The following TMEM45A variants were observed in gnomAD, a reference collection of about 807,000 sequenced individuals.
TMEM45A encodes DNA polymerase-transactivated protein 4.
TMEM45A carries 25 observed loss-of-function variants against 32.0 expected under a neutral mutation model. The ratio of observed to expected loss-of-function variants is 0.78; its 90% CI spans 0.57 to 1.09. The LOEUF (loss-of-function observed/expected upper bound fraction) is 1.09, where lower values mean the gene tolerates loss of function less well. Among genes scored for constraint, TMEM45A ranks in the 50% least tolerant of loss-of-function variants. TMEM45A has a pLI of 0.00. For missense variants in TMEM45A, 302 were observed against 325.0 expected, an observed-to-expected ratio of 0.93 and a Z score of 0.54; for synonymous variants, 122 against 114.8, an observed-to-expected ratio of 1.06 and a Z score of -0.40.
At chr3:100,507,294 C>T (rs1246757402) in intron 1 of TMEM45A, among the ~76,000 whole-genome samples, 1 of 152,200 alleles carries the variant, frequency 6.6e-6, no homozygotes, top group Non-Finnish European at 1.5e-5. Context: ...CCCACTCTGC[C>T]TATACAGAAA....
chr3:100,498,567 A>G (rs9851429), intron 1 of TMEM45A, among the ~76,000 whole-genome samples: 39,274 of 151,846 alleles, frequency 0.26, 5,878 homozygotes, highest in African/African-American at 0.39. Context: ...CAATCTGTCC[A>G]TGTATGTGTG....
chr3:100,511,744 A>G (rs1323721032), intron 1 of TMEM45A, among the ~76,000 whole-genome samples: 2 of 152,010 alleles, frequency 1.3e-5, no homozygotes, highest in African/African-American at 4.8e-5. Context: ...ATGTGCAGAG[A>G]CACACATAGG....
chr3:100,499,143 T>C (rs2148924675), intron 1 of TMEM45A, among the ~76,000 whole-genome samples: 1 of 152,354 alleles, frequency 6.6e-6, no homozygotes, highest in East Asian at 1.9e-4. Context: ...ATTCTTCGGG[T>C]TACCTTTCCA....
intron 1 of TMEM45A, among the ~76,000 whole-genome samples, chr3:100,531,232 C>T (rs1355900476): frequency 1.3e-5 from 2 of 151,894 alleles, no homozygotes; most frequent in Non-Finnish European, 2.9e-5. Flanking sequence ...TCAGCGTTTC[C>T]CAAATTGGGA....
chr3:100,498,151 G>T (rs951274096), intron 1 of TMEM45A, among the ~76,000 whole-genome samples: 2 of 152,200 alleles, frequency 1.3e-5, no homozygotes, highest in African/African-American at 4.8e-5. Flanking sequence ...CTGCCACCAT[G>T]TGAAGAAGGT....
intron 1 of TMEM45A, among the ~76,000 whole-genome samples, chr3:100,530,818 G>T (rs1705632613): frequency 6.6e-6 from 1 of 152,116 alleles, no homozygotes; most frequent in Non-Finnish European, 1.5e-5. Flanking sequence ...CTGTGGATTT[G>T]TTCTTTATCT....
intron 1 of TMEM45A, among the ~76,000 whole-genome samples, chr3:100,549,838 G>A (rs571173725): frequency 9.2e-5 from 14 of 151,820 alleles, no homozygotes; most frequent in East Asian, 1.9e-4. Flanking sequence ...TTGTTCTTGC[G>A]ATAGTTTACT....
intron 1 of TMEM45A, among the ~76,000 whole-genome samples, chr3:100,547,730 A>G (rs1200566202): frequency 2.6e-5 from 4 of 152,068 alleles, no homozygotes. Context: ...TTAATGATAA[A>G]CAGATGTATG....
chr3:100,562,535 A>C (rs981674178), intron 4 of TMEM45A, among the ~76,000 whole-genome samples: 2 of 152,200 alleles, frequency 1.3e-5, no homozygotes, highest in Non-Finnish European at 2.9e-5. Flanking sequence ...GTAAACAGCA[A>C]AAAGTTTGGT....
intron 1 of TMEM45A, among the ~76,000 whole-genome samples, chr3:100,554,227 T>C (rs1379549985): frequency 6.6e-6 from 1 of 152,214 alleles, no homozygotes; most frequent in Non-Finnish European, 1.5e-5. Flanking sequence ...TACTGTTTAT[T>C]AACCAGAAGT....
In TMEM45A at chr3:100,556,796, A is replaced by C. The variant is rs773037469; in HGVS notation, c.227A>C (p.His76Pro). The change falls in exon 3 of 6, where the codon CAT becomes CCT. Residue 76 changes from histidine to proline, a missense_variant. His to Pro is a moderately conservative substitution (Grantham distance 77, BLOSUM62 -2). Coordinates refer to ENST00000323523, the MANE Select transcript of TMEM45A (RefSeq NM_018004.3). ...GAGCAGTTTATTCCTGGAGGGCCCC[A>C]TCTGATGTTATATGACTATAAACAA... ...AGEQFIPGGP[H>P]LMLYDYKQGH... 1 of 1,613,860 alleles carries C rather than the reference A, an allele frequency of 6.2e-7. No individual in the cohort carries two copies. Among genetic ancestry groups the C allele is most frequent in the Non-Finnish European group, 8.5e-7 (1 of 1,179,970 alleles).
At position 100,521,581 on chromosome 3, in the gene TMEM45A, A is replaced by G. The variant is rs148948188; in HGVS notation, c.-4+28653A>G. Among the ~76,000 whole-genome samples, 1,231 of 152,258 alleles carry G rather than the reference A, an allele frequency of 8.1e-3. 20 individuals carry two copies. Among genetic ancestry groups the G allele is most frequent in the African/African-American group, 0.029 (1,186 of 41,542 alleles). Reference sequence around the variant, plus strand: ...TTCCTCTTTCTGATATGGATCTCAGAGGTGGCTTCTCCTTGGCTAGGAATA... The same window carrying G: ...TTCCTCTTTCTGATATGGATCTCAGGGGTGGCTTCTCCTTGGCTAGGAATA... On this transcript the variant is annotated intron_variant, in intron 1 of 5. Coordinates refer to ENST00000323523, the MANE Select transcript of TMEM45A (RefSeq NM_018004.3).
chr3:100,532,915 T>G (rs1705671170), intron 1 of TMEM45A, among the ~76,000 whole-genome samples: 1 of 152,230 alleles, frequency 6.6e-6, no homozygotes, highest in South Asian at 2.1e-4. Context: ...GCCATTTTTC[T>G]TCCTTTGTTC....
intron 1 of TMEM45A, among the ~76,000 whole-genome samples, chr3:100,550,650 T>C (rs1455281571): frequency 6.6e-6 from 1 of 152,246 alleles, no homozygotes; most frequent in African/African-American, 2.4e-5. Context: ...TTGTTTTCCC[T>C]TTCTGTGTAT....
At chr3:100,568,797 A>G in intron 4 of TMEM45A, 25 bp from the exon 5 acceptor site, 2 of 1,578,846 alleles carry the variant, frequency 1.3e-6, no homozygotes, top group Non-Finnish European at 1.7e-6. Flanking sequence ...TTATTTTAAT[A>G]TATGCTTTTT....
rs1706660425 is a variant in TMEM45A at position 100,575,363 on chromosome 3, C to CTCTTTTTTTTTTTTTTTTT, written c.735-1561_735-1560insCTTTTTTTTTTTTTTTTTT. The stretch of plus-strand genomic sequence containing the variant: ...TGCTTCCCCCAGGCCTATGGATTCT[C>CTCTTTTTTTTTTTTTTTTT]TTTTTTTTTTTTTTTTTTTTTTTTT... On this transcript the variant is annotated intron_variant, in intron 5 of 5. Transcript: ENST00000323523. Among the ~76,000 whole-genome samples the CTCTTTTTTTTTTTTTTTTT allele has an allele frequency of 2.2e-4, 14 of 62,762 alleles. 2 individuals are homozygous for CTCTTTTTTTTTTTTTTTTT. Among genetic ancestry groups the CTCTTTTTTTTTTTTTTTTT allele is most frequent in the African/African-American group, 6.4e-4 (12 of 18,632 alleles). The allele number at this position is 62,762 out of a possible 152,430, so 41.2% of individuals were successfully genotyped here.
chr3:100,561,706 T>C (rs1706334741), intron 4 of TMEM45A, among the ~76,000 whole-genome samples: 1 of 152,192 alleles, frequency 6.6e-6, no homozygotes, highest in African/African-American at 2.4e-5. Context: ...AACTTCTCAT[T>C]CCCAAGCTCC....
chr3:100,551,583 T>C (rs1706104504), intron 1 of TMEM45A, among the ~76,000 whole-genome samples: 1 of 152,190 alleles, frequency 6.6e-6, no homozygotes, highest in Non-Finnish European at 1.5e-5. Flanking sequence ...GAACAAGAGA[T>C]TTACAGATAA....
rs145643298 is a variant in TMEM45A, at chr3:100,520,430, T to G, written c.-4+27502T>G. Among the ~76,000 whole-genome samples the G allele has an allele frequency of 1.8e-3, 281 of 152,320 alleles. 2 individuals carry two copies. Among genetic ancestry groups the G allele is most frequent in the African/African-American group, 6.5e-3 (269 of 41,574 alleles). On this transcript the variant is annotated intron_variant, in intron 1 of 5. Coordinates refer to ENST00000323523, the MANE Select transcript of TMEM45A (RefSeq NM_018004.3). ...TAGAATATGACTTTTGGGTTTTCCC[T>G]TAGGGCTATGTTAAGATGCTAGTAG... is the stretch of plus-strand genomic sequence containing the variant.
Sources: gnomAD v4.1 joint callset for allele counts (sites outside exome capture counted in the v4.1 genomes callset) on GRCh38, gnomAD v4.1.1 for gene constraint, MANE v1.5 for transcripts, NCBI Gene and HGNC (gene_info 2026-07-23, HGNC 2026-07-21) for gene names.